Variants in ULK4 observed in about 807,000 individuals in gnomAD.
ULK4 encodes the protein unc-51 like kinase 4.
In ULK4, 133 loss-of-function variants were observed where a neutral mutation model predicts 160.6. The ratio of observed to expected loss-of-function variants is 0.83; its 90% CI spans 0.72 to 0.96. ULK4 has a LOEUF of 0.96. ULK4 is among the 40% of genes least tolerant of loss of function. The pLI is 0.00. For missense variants in ULK4, 1,580 were observed against 1,499.5 expected (o/e 1.05, Z -0.89); for synonymous variants, 534 against 539.8 (o/e 0.99, Z 0.15).
intron 21 of ULK4, among the ~76,000 whole-genome samples, chr3:41,763,441 A>G (rs1455474982): frequency 1.3e-5 from 2 of 152,224 alleles, no homozygotes; most frequent in Non-Finnish European, 2.9e-5. Flanking sequence ...AAGGGGAGAT[A>G]GCAAAGATAA....
chr3:41,355,237 C>A (rs2081005909), intron 35 of ULK4, among the ~76,000 whole-genome samples: 2 of 152,110 alleles, frequency 1.3e-5, no homozygotes, highest in South Asian at 2.1e-4. Context: ...GAATGGCACA[C>A]CCATACTCTT....
intron 17 of ULK4, among the ~76,000 whole-genome samples, chr3:41,847,126 G>C (rs2042087987): frequency 6.6e-6 from 1 of 152,096 alleles, no homozygotes; most frequent in Admixed American, 6.6e-5. Context: ...ATGACTGGGT[G>C]GAGCCAGGCC....
chr3:41,304,883 T>C (rs1476801726), intron 35 of ULK4, among the ~76,000 whole-genome samples: 1 of 152,188 alleles, frequency 6.6e-6, no homozygotes, highest in Admixed American at 6.5e-5. Flanking sequence ...TGAGATCTCC[T>C]GCATTTGGCC....
chr3:41,861,871 G>A (rs1276954383), intron 17 of ULK4, among the ~76,000 whole-genome samples: 1 of 152,008 alleles, frequency 6.6e-6, no homozygotes, highest in Non-Finnish European at 1.5e-5. Context: ...ACCCAGGCTG[G>A]AGTGCAGTGG....
chr3:41,893,341 C>G (rs1360395592), intron 16 of ULK4, among the ~76,000 whole-genome samples: 1 of 152,076 alleles, frequency 6.6e-6, no homozygotes, highest in Non-Finnish European at 1.5e-5. Context: ...CAGTATTACA[C>G]TATTACTATA....
intron 34 of ULK4, among the ~76,000 whole-genome samples, chr3:41,449,616 G>A (rs559132849): frequency 1.3e-5 from 2 of 152,106 alleles, no homozygotes; most frequent in South Asian, 2.1e-4. Flanking sequence ...TCATGCCACT[G>A]ACTGTGAAGT....
At chr3:41,791,779 T>C (rs1365920661) in intron 20 of ULK4, among the ~76,000 whole-genome samples, 2 of 152,184 alleles carry the variant, frequency 1.3e-5, no homozygotes, top group Non-Finnish European at 2.9e-5. Flanking sequence ...AACAAGTAAA[T>C]ATATGCACTG....
intron 18 of ULK4, among the ~76,000 whole-genome samples, chr3:41,823,013 C>T (rs1352401477): frequency 7.6e-5 from 11 of 144,352 alleles, no homozygotes; most frequent in East Asian, 3.9e-4. Context: ...TGAGCCACCA[C>T]GCCCGGCCGA....
chr3:41,610,144 T>C (rs2032603185), intron 31 of ULK4, among the ~76,000 whole-genome samples: 1 of 151,590 alleles, frequency 6.6e-6, no homozygotes, highest in African/African-American at 2.4e-5. Context: ...GCCTCCCCAG[T>C]AGTTGGGATT....
At chr3:41,632,683 C>T (rs997228016) in intron 30 of ULK4, among the ~76,000 whole-genome samples, 2 of 151,938 alleles carry the variant, frequency 1.3e-5, no homozygotes, top group African/African-American at 4.8e-5. Context: ...CAGTTACTAT[C>T]TGGAACTCAC....
chr3:41,562,378 C>T (rs571104681), intron 32 of ULK4, among the ~76,000 whole-genome samples: 26 of 152,152 alleles, frequency 1.7e-4, no homozygotes, highest in South Asian at 1.7e-3. Flanking sequence ...CTATTAGGTC[C>T]ACTTGGTGCA....
rs867594655 is a variant in ULK4 at position 41,569,454 on chromosome 3, G to T, written c.3121-3324C>A. On this transcript the variant is annotated intron_variant, in intron 31 of 36. Transcript: ENST00000301831. ...TTAGGAGTTGCATGCTAGGAAACAG[G>T]GGTGAAGATCAAATACATACTTCAC... 5.9e-5 allele frequency among the ~76,000 whole-genome samples: 9 copies of T among 151,986 alleles called. 1 individual carries two copies. In the South Asian group the frequency reaches 8.3e-4, roughly 14 times the overall value.
chr3:41,860,339 A>G (rs1293955802), intron 17 of ULK4, among the ~76,000 whole-genome samples: 1 of 152,134 alleles, frequency 6.6e-6, no homozygotes, highest in Non-Finnish European at 1.5e-5. Context: ...GTCTCCAGCC[A>G]TTATTGTATC....
chr3:41,415,043 T>C (rs534182756), intron 34 of ULK4, among the ~76,000 whole-genome samples: 1 of 152,336 alleles, frequency 6.6e-6, no homozygotes, highest in East Asian at 1.9e-4. Flanking sequence ...CCTTGCCTTC[T>C]GGGCCTCCTG....
intron 35 of ULK4, among the ~76,000 whole-genome samples, chr3:41,344,554 C>G (rs2080756726): frequency 6.6e-6 from 1 of 151,906 alleles, no homozygotes; most frequent in Non-Finnish European, 1.5e-5. Flanking sequence ...GAGTTTGAGA[C>G]CGGCCTGGCC....
At chr3:41,683,469 G>A (rs932666581) in intron 27 of ULK4, among the ~76,000 whole-genome samples, 5 of 151,606 alleles carry the variant, frequency 3.3e-5, no homozygotes, top group African/African-American at 7.3e-5. Flanking sequence ...TGACCCCTCC[G>A]TGACTGATGG....
Position 41,300,428 on chromosome 3 carries a change from A to G in ULK4, c.3679-50854T>C, listed in dbSNP as rs562943156. Among the ~76,000 whole-genome samples, 3 of 152,282 alleles carry G rather than the reference A, an allele frequency of 2.0e-5. No homozygotes were observed. In the South Asian group the frequency reaches 6.2e-4, roughly 32 times the overall value. On this transcript the variant is annotated intron_variant, in intron 35 of 36. Coordinates refer to ENST00000301831, the MANE Select transcript of ULK4 (RefSeq NM_017886.4). The stretch of plus-strand genomic sequence containing the variant: ...AAGTTTCCGCTAAATGTATGCTTAT[A>G]AGGGGCATTATTTTACATAAGCATA...
intron 34 of ULK4, among the ~76,000 whole-genome samples, chr3:41,428,223 T>C (rs967977160): frequency 2.4e-4 from 36 of 151,994 alleles, no homozygotes; most frequent in South Asian, 2.1e-4. Flanking sequence ...AAGTGAAAGA[T>C]CTCTTCAAGG....
In ULK4 at chr3:41,421,295, A is replaced by C. The variant is rs186538310; in HGVS notation, c.3493-23031T>G. ...TTTAGACTGCAGATTTATTTCTCTC[A>C]TCTTACAGCATTACCTGTATCATAC... On this transcript the variant is annotated intron_variant, in intron 34 of 36. Transcript: ENST00000301831. Among the ~76,000 whole-genome samples, 62 of 152,242 alleles carry C rather than the reference A, an allele frequency of 4.1e-4. No individual in the cohort carries two copies. The East Asian group carries it at 9.8e-3, about 24-fold the overall frequency.
Sources: allele counts gnomAD v4.1 joint callset (sites outside exome capture counted in the v4.1 genomes callset), GRCh38; gene constraint gnomAD v4.1.1; transcripts MANE v1.5; gene names NCBI Gene and HGNC (gene_info 2026-07-23, HGNC 2026-07-21).